LRRTM3: variants seen among roughly 807,000 people sequenced by gnomAD.
The protein encoded by LRRTM3 is leucine-rich repeat transmembrane neuronal protein 3.
Under a neutral mutation model 44.7 loss-of-function variants are expected in LRRTM3, and 24 were observed. That is an observed-to-expected ratio of 0.54 (90% CI 0.39 to 0.76). LRRTM3 has a LOEUF of 0.76. Among genes scored for constraint, LRRTM3 ranks in the 30% least tolerant of loss-of-function variants. The pLI, the probability that LRRTM3 is intolerant of heterozygous loss-of-function variation, is 0.00. For synonymous variants in LRRTM3, 277 were observed against 278.7 expected (o/e 0.99, Z 0.06); for missense variants, 587 against 702.2 (o/e 0.84, Z 1.85).
intron 2 of LRRTM3, among the ~76,000 whole-genome samples, chr10:67,049,615 A>G (rs1258318154): frequency 1.3e-5 from 2 of 152,176 alleles, no homozygotes; most frequent in Non-Finnish European, 2.9e-5. Flanking sequence ...GAAAATAAAC[A>G]ACAAAACTAA....
chr10:67,100,938 G>C lies in LRRTM3; in HGVS notation c.*3142G>C, dbSNP rs1209407901. On this transcript the variant is annotated 3_prime_UTR_variant, in exon 3 of 3. Transcript: ENST00000361320. ...TGATCAGAGCAAGAGAACTTCCAGAGATAATGGATAGAATGAAAGAATATA... is the reference window on the plus strand; with the variant it reads ...TGATCAGAGCAAGAGAACTTCCAGACATAATGGATAGAATGAAAGAATATA... Among the ~76,000 whole-genome samples, 2 of 151,576 alleles carry C rather than the reference G, an allele frequency of 1.3e-5. No homozygotes were observed. The highest frequency in any genetic ancestry group is 3.9e-4 in the East Asian group (2 of 5,178).
At chr10:67,088,415 G>A (rs1292809119) in intron 2 of LRRTM3, among the ~76,000 whole-genome samples, 1 of 151,774 alleles carries the variant, frequency 6.6e-6, no homozygotes, top group Admixed American at 6.6e-5. Flanking sequence ...GAAACAAAAT[G>A]CTTCATAAAA....
chr10:67,041,643 C>T (rs930502896), intron 2 of LRRTM3, among the ~76,000 whole-genome samples: 1 of 152,070 alleles, frequency 6.6e-6, no homozygotes, highest in South Asian at 2.1e-4. Flanking sequence ...CTACCTCATA[C>T]CTCTAAAGCA....
chr10:66,998,321 T>C (rs1851472587), intron 2 of LRRTM3, among the ~76,000 whole-genome samples: 1 of 152,120 alleles, frequency 6.6e-6, no homozygotes, highest in Non-Finnish European at 1.5e-5. Context: ...GGAATAAAAT[T>C]CAAAATAGAA....
At chr10:67,017,659 C>A (rs1316734595) in intron 2 of LRRTM3, among the ~76,000 whole-genome samples, 1 of 152,004 alleles carries the variant, frequency 6.6e-6, no homozygotes, top group Non-Finnish European at 1.5e-5. Context: ...GAAAATATTT[C>A]TTTCTTACAG....
At chr10:66,964,230 T>C (rs1310668986) in intron 2 of LRRTM3, among the ~76,000 whole-genome samples, 1 of 152,082 alleles carries the variant, frequency 6.6e-6, no homozygotes, top group African/African-American at 2.4e-5. Context: ...CATTCTTCTC[T>C]TTCCTTAGAC....
At chr10:67,009,818 T>C (rs1852215012) in intron 2 of LRRTM3, among the ~76,000 whole-genome samples, 1 of 152,180 alleles carries the variant, frequency 6.6e-6, no homozygotes, top group Non-Finnish European at 1.5e-5. Context: ...CCTCTCCATC[T>C]GGAGTGAGTG....
At chr10:66,947,033 G>T (rs1240993693) in intron 2 of LRRTM3, among the ~76,000 whole-genome samples, 1 of 152,032 alleles carries the variant, frequency 6.6e-6, no homozygotes, top group Non-Finnish European at 1.5e-5. Context: ...AGTTGCCCTT[G>T]TTTTCAGCCC....
Position 66,926,592 on chromosome 10 carries a change from G to A in LRRTM3, c.4+5G>A. 1.2e-6 allele frequency: 2 copies of A among 1,613,890 alleles called. No individual in the cohort carries two copies. The highest frequency in any genetic ancestry group is 1.7e-6 in the Non-Finnish European group (2 of 1,179,948). ...TTTGAACAATACAAAGGATGGGTAT[G>A]TTTTGTCATTTTTCTTCTTTCCTTC... On this transcript the variant is annotated splice_donor_5th_base_variant and intron_variant, in intron 1 of 2. Coordinates refer to ENST00000361320, the MANE Select transcript of LRRTM3 (RefSeq NM_178011.5).
intron 2 of LRRTM3, among the ~76,000 whole-genome samples, chr10:66,968,369 C>T (rs750224419): frequency 1.1e-4 from 16 of 146,814 alleles, no homozygotes; most frequent in Non-Finnish European, 1.9e-4. Flanking sequence ...TAAAACACAT[C>T]GAAAAAAGAT....
intron 2 of LRRTM3, among the ~76,000 whole-genome samples, chr10:67,060,338 C>A (rs1000179445): frequency 6.6e-6 from 1 of 152,032 alleles, no homozygotes; most frequent in Non-Finnish European, 1.5e-5. Flanking sequence ...TAAAAAAATT[C>A]TGTAAATGTA....
chr10:67,032,411 C>T (rs76872923), intron 2 of LRRTM3, among the ~76,000 whole-genome samples: 1,851 of 152,020 alleles, frequency 0.012, 49 homozygotes, highest in African/African-American at 0.042. Context: ...TCATATTTAA[C>T]GGGTTGATTT....
chr10:66,998,645 G>C (rs565413872), intron 2 of LRRTM3, among the ~76,000 whole-genome samples: 2 of 152,188 alleles, frequency 1.3e-5, no homozygotes, highest in East Asian at 3.9e-4. Context: ...AATAAAGAAG[G>C]AATCAGCAAA....
intron 2 of LRRTM3, among the ~76,000 whole-genome samples, chr10:66,945,293 T>A (rs1341099559): frequency 1.3e-5 from 2 of 152,232 alleles, no homozygotes; most frequent in Non-Finnish European, 2.9e-5. Flanking sequence ...TTTTACATCA[T>A]CACTTCCACT....
intron 2 of LRRTM3, among the ~76,000 whole-genome samples, chr10:66,958,185 A>G (rs1348581695): frequency 6.6e-6 from 1 of 152,064 alleles, no homozygotes; most frequent in East Asian, 1.9e-4. Flanking sequence ...TGAATAAAAG[A>G]GAAAGGAAGA....
At position 67,002,773 on chromosome 10, in the gene LRRTM3, T is replaced by A. The variant is rs10997479; in HGVS notation, c.1536+74321T>A. 9.7e-3 allele frequency among the ~76,000 whole-genome samples: 1,484 copies of A among 152,250 alleles called. 10 individuals carry two copies. Among genetic ancestry groups the A allele is most frequent in the South Asian group, 0.017 (80 of 4,824 alleles). On this transcript the variant is annotated intron_variant, in intron 2 of 2. Coordinates refer to ENST00000361320, the MANE Select transcript of LRRTM3 (RefSeq NM_178011.5). ...AGAGTCACTGGCCATATTTCATATA[T>A]AATTGCTGGGTTAAATAAACACAAT... is the stretch of plus-strand genomic sequence containing the variant.
intron 2 of LRRTM3, among the ~76,000 whole-genome samples, chr10:66,982,794 G>T (rs1850514827): frequency 6.6e-6 from 1 of 152,168 alleles, no homozygotes; most frequent in South Asian, 2.1e-4. Flanking sequence ...AGGTATGAAT[G>T]GAGTCTTGCC....
chr10:67,051,192 T>C (rs1193830452), intron 2 of LRRTM3, among the ~76,000 whole-genome samples: 1 of 152,212 alleles, frequency 6.6e-6, no homozygotes, highest in Non-Finnish European at 1.5e-5. Context: ...GGTGAATTAT[T>C]ATTCCTCTAG....
intron 2 of LRRTM3, among the ~76,000 whole-genome samples, chr10:67,027,908 T>C (rs1853489575): frequency 6.6e-6 from 1 of 152,228 alleles, no homozygotes; most frequent in African/African-American, 2.4e-5. Context: ...ATGATGATGA[T>C]ATCACTTTAT....
Sources: allele counts gnomAD v4.1 joint callset (sites outside exome capture counted in the v4.1 genomes callset), GRCh38; gene constraint gnomAD v4.1.1; transcripts MANE v1.5; gene names NCBI Gene and HGNC (gene_info 2026-07-23, HGNC 2026-07-21).